The following TMTC4 variants were observed in gnomAD, a reference collection of about 807,000 sequenced individuals.
TMTC4 encodes transmembrane O-mannosyltransferase targeting cadherins 4, also known as protein O-mannosyl-transferase TMTC4.
A neutral mutation model predicts 86.0 loss-of-function variants in TMTC4; 65 were observed. That is an observed-to-expected ratio of 0.76 (90% CI 0.62 to 0.93). The LOEUF (loss-of-function observed/expected upper bound fraction) is 0.93, where lower values mean the gene tolerates loss of function less well. Among genes scored for constraint, TMTC4 ranks in the 40% least tolerant of loss-of-function variants. The pLI is 0.00. For synonymous variants in TMTC4, 379 were observed against 382.5 expected, an observed-to-expected ratio of 0.99 and a Z score of 0.11; for missense variants, 866 against 948.1, an observed-to-expected ratio of 0.91 and a Z score of 1.14.
intron 7 of TMTC4, 162 bp from the exon 8 acceptor site, chr13:100,638,184 G>T: frequency 1.8e-6 from 1 of 550,414 alleles, no homozygotes; most frequent in Non-Finnish European, 3.2e-6. Context: ...ACAGCCGTAC[G>T]TTTCTATGAA....
Position 100,668,724 on chromosome 13 carries a change from G to T in TMTC4, c.74C>A (p.Thr25Asn). 6.2e-7 allele frequency: 1 copy of T among 1,614,238 alleles called. No individual in the cohort carries two copies. Among genetic ancestry groups the T allele is most frequent in the Non-Finnish European group, 8.5e-7 (1 of 1,180,046 alleles). ...PAVFRMAVLD[T>N]DLDHILPSSV... ...AGATGGAAGAATGTGATCCAAATCAGTGTCCAACACGGCCATTCTGAAAAC... is the reference window on the plus strand; with the variant it reads ...AGATGGAAGAATGTGATCCAAATCATTGTCCAACACGGCCATTCTGAAAAC... The change falls in exon 3 of 19, where the codon ACT becomes AAT. Residue 25 changes from threonine (T) to asparagine (N), a missense_variant. Coordinates refer to ENST00000342624, the MANE Select transcript of TMTC4 (RefSeq NM_032813.5).
Position 100,606,854 on chromosome 13 carries a change from C to A in TMTC4, c.2065-427G>T, listed in dbSNP as rs1362563652. On this transcript the variant is annotated intron_variant, in intron 17 of 18. Transcript: ENST00000342624. ...TTTCCTCTCCCCCAAGAACCTACAACACTCTGGGCCGCCCAGAAGCAGCCC... is the reference window on the plus strand; with the variant it reads ...TTTCCTCTCCCCCAAGAACCTACAAAACTCTGGGCCGCCCAGAAGCAGCCC... 2.6e-5 allele frequency among the ~76,000 whole-genome samples: 4 copies of A among 152,306 alleles called. No individual in the cohort carries two copies. In the East Asian group the frequency reaches 7.7e-4, roughly 29 times the overall value.
chr13:100,639,391 C>T (rs1882720398), intron 7 of TMTC4, among the ~76,000 whole-genome samples: 1 of 152,212 alleles, frequency 6.6e-6, no homozygotes, highest in African/African-American at 2.4e-5. Flanking sequence ...GGTTGAAAAC[C>T]ACTTTCTAGA....
chr13:100,610,033 C>T (rs990099907), intron 17 of TMTC4, among the ~76,000 whole-genome samples: 3 of 152,174 alleles, frequency 2.0e-5, no homozygotes, highest in Admixed American at 6.5e-5. Context: ...CTGGGTGCTT[C>T]GTAACTGCCC....
intron 12 of TMTC4, among the ~76,000 whole-genome samples, chr13:100,627,248 A>C (rs968110749): frequency 6.6e-6 from 1 of 152,304 alleles, no homozygotes; most frequent in East Asian, 1.9e-4. Context: ...GGGAACCCTG[A>C]GCAAGGGCAG....
chr13:100,607,686 C>A lies in TMTC4; in HGVS notation c.2065-1259G>T, dbSNP rs970933758. Among the ~76,000 whole-genome samples, 9 of 149,826 alleles carry A rather than the reference C, an allele frequency of 6.0e-5. 1 individual carries two copies. The highest frequency in any genetic ancestry group is 5.9e-4 in the Admixed American group (9 of 15,158). The stretch of plus-strand genomic sequence containing the variant: ...ATGTGCAAGACCACCAGTTCCTTTG[C>A]CCTGTATGGCCTGTGGTACCCCTGA... On this transcript the variant is annotated intron_variant, in intron 17 of 18. Coordinates refer to ENST00000342624, the MANE Select transcript of TMTC4 (RefSeq NM_032813.5).
Position 100,605,042 on chromosome 13 carries a change from G to GT in TMTC4, c.2234dup (p.Tyr745Ter). 1 of 1,613,998 alleles carries GT rather than the reference G, an allele frequency of 6.2e-7. No individual in the cohort carries two copies. Among genetic ancestry groups the GT allele is most frequent in the Non-Finnish European group, 8.5e-7 (1 of 1,179,966 alleles). ...DPTASGTKENYGLLRRKLELM... is the reference protein window; with the variant it reads ...DPTASGTKEN ...GTTCTAGCTTTCTTCTCAGCAGACC[G>GT]TAATTCTCCTTAGTTCCTGATGCCG... The change falls in exon 19 of 19, where the codon TAC becomes TAAC. Residue 745 changes from tyrosine (Y) to a stop codon, truncating the protein, a stop_gained and frameshift_variant. Transcript: ENST00000342624. LOFTEE classifies it high-confidence loss of function. This position sits in a 1 kb window ranked among gnomAD's most constrained non-coding sequence, Gnocchi z 4.3.
rs577395138 is a variant in TMTC4 at position 100,663,065 on chromosome 13, C to T, written c.451G>A (p.Gly151Ser). Residue 151 changes from glycine (G) to serine (S), a missense_variant, in exon 5 of 19, where the codon GGC becomes AGC. Gly to Ser is a moderately conservative substitution (Grantham distance 56). Transcript: ENST00000342624. ...MVDVFSVLFGGLQYTSKGRRL... is the reference protein window; with the variant it reads ...MVDVFSVLFGSLQYTSKGRRL... The stretch of plus-strand genomic sequence containing the variant: ...CGGCCTTTACTGGTGTACTGCAGGC[C>T]GCCAAACAGAACCGAGAAGACGTCC... 9 of 1,614,184 alleles carry T rather than the reference C, an allele frequency of 5.6e-6. No individual in the cohort carries two copies. The highest frequency in any genetic ancestry group is 2.7e-5 in the African/African-American group (2 of 75,054).
intron 15 of TMTC4, chr13:100,625,229 G>A (rs1350958709): frequency 9.0e-6 from 3 of 332,726 alleles, no homozygotes. Context: ...TGTTTATCAG[G>A]AAGTTACCCA....
chr13:100,672,508 T>C lies in TMTC4; in HGVS notation c.-207-1939A>G, dbSNP rs551641716. ...TCTCTACATCCCTTCCCCCCTTTTT[T>C]TGAACAGGGTTTCACTCTGCCACCC... On this transcript the variant is annotated intron_variant, in intron 1 of 18. Transcript: ENST00000342624. Among the ~76,000 whole-genome samples, 10 of 152,260 alleles carry C rather than the reference T, an allele frequency of 6.6e-5. 1 individual carries two copies. The highest frequency in any genetic ancestry group is 5.9e-4 in the Admixed American group (9 of 15,290).
At chr13:100,653,268 G>A (rs879401237) in intron 6 of TMTC4, among the ~76,000 whole-genome samples, 3 of 152,146 alleles carry the variant, frequency 2.0e-5, no homozygotes, top group Non-Finnish European at 2.9e-5. Flanking sequence ...CAGAAAAGTC[G>A]CTAAGAACAG....
At chr13:100,629,321 A>G (rs17578868) in intron 12 of TMTC4, among the ~76,000 whole-genome samples, 20,774 of 152,080 alleles carry the variant, frequency 0.14, 1,552 homozygotes, top group Middle Eastern at 0.19. Context: ...AGTCACGGTG[A>G]ATGGTAAGAT....
intron 6 of TMTC4, among the ~76,000 whole-genome samples, chr13:100,648,659 G>A (rs1456812775): frequency 6.6e-6 from 1 of 152,082 alleles, no homozygotes; most frequent in Non-Finnish European, 1.5e-5. Context: ...AATCCCTACC[G>A]GATTAGTCAC....
intron 6 of TMTC4, among the ~76,000 whole-genome samples, chr13:100,648,578 T>C (rs1332053783): frequency 1.3e-5 from 2 of 152,224 alleles, no homozygotes; most frequent in Non-Finnish European, 2.9e-5. Flanking sequence ...GCTATGTTTG[T>C]ATCCAGCTCT....
chr13:100,629,337 G>A (rs1174541630), intron 12 of TMTC4, among the ~76,000 whole-genome samples: 1 of 152,154 alleles, frequency 6.6e-6, no homozygotes, highest in Non-Finnish European at 1.5e-5. Flanking sequence ...AAGATGGTGT[G>A]TAGCTGGCAC....
At chr13:100,625,427 G>A (rs1227481775) in intron 15 of TMTC4, 108 bp downstream of exon 15, 1 of 1,450,626 alleles carries the variant, frequency 6.9e-7, no homozygotes, top group African/African-American at 1.4e-5. Flanking sequence ...ACATGTGAAA[G>A]AACTTTATAA....
At chr13:100,609,222 C>T (rs892770150) in intron 17 of TMTC4, among the ~76,000 whole-genome samples, 1 of 152,178 alleles carries the variant, frequency 6.6e-6, no homozygotes, top group Non-Finnish European at 1.5e-5. Context: ...GCTAAGAGAG[C>T]TCAGAGCCTT....
chr13:100,673,694 G>A (rs1478093980), intron 1 of TMTC4, among the ~76,000 whole-genome samples: 1 of 152,206 alleles, frequency 6.6e-6, no homozygotes, highest in African/African-American at 2.4e-5. Flanking sequence ...GAGGGCCATG[G>A]CTGCCTATAG....
chr13:100,631,567 T>C (rs922129411), intron 12 of TMTC4, among the ~76,000 whole-genome samples: 1 of 152,240 alleles, frequency 6.6e-6, no homozygotes, highest in Non-Finnish European at 1.5e-5. Flanking sequence ...ATAACTAATA[T>C]TGATTGTCTA....
Sources: gnomAD v4.1 joint callset for allele counts (sites outside exome capture counted in the v4.1 genomes callset) on GRCh38, gnomAD v4.1.1 for gene constraint, Gnocchi (gnomAD v3.1) non-coding constraint, MANE v1.5 for transcripts, NCBI Gene and HGNC (gene_info 2026-07-23, HGNC 2026-07-21) for gene names.